Variants in SRCIN1 observed in about 807,000 individuals in gnomAD.
SRCIN1 encodes the protein SRC kinase signaling inhibitor 1.
A neutral mutation model predicts 116.2 loss-of-function variants in SRCIN1; 50 were observed. The ratio of observed to expected loss-of-function variants is 0.43; its 90% CI spans 0.34 to 0.54. The LOEUF is 0.54. Ranked by LOEUF, SRCIN1 falls within the 20% of genes least tolerant of loss-of-function variation. The probability of loss-of-function intolerance (pLI) is 0.02; values close to 1 mark genes in which losing one functional copy is unlikely to be tolerated. For synonymous variants in SRCIN1, 736 were observed against 750.0 expected (o/e 0.98, Z 0.30); for missense variants, 1,446 against 1,672.0 (o/e 0.86, Z 2.36).
chr17:38,581,506 TAG>T, intron 1 of SRCIN1, among the ~76,000 whole-genome samples: 1 of 150,708 alleles, frequency 6.6e-6, no homozygotes, highest in Non-Finnish European at 1.5e-5. Flanking sequence ...TCATAAGGAT[TAG>T]AAAAAGCCCC....
chr17:38,565,730 T>C (rs1353425618), intron 3 of SRCIN1, among the ~76,000 whole-genome samples: 1 of 152,228 alleles, frequency 6.6e-6, no homozygotes, highest in Non-Finnish European at 1.5e-5. Flanking sequence ...ATGGGCAGTA[T>C]GCCCAGCTGT....
In SRCIN1 at chr17:38,590,684, C is replaced by T. The variant is rs111786874; in HGVS notation, c.23-11893G>A. Among the ~76,000 whole-genome samples, 336 of 152,358 alleles carry T rather than the reference C, an allele frequency of 2.2e-3. 4 individuals carry two copies. The highest frequency in any genetic ancestry group is 7.9e-3 in the African/African-American group (327 of 41,574). ...GAAACTGAGGCTCAGGAAGGAGTGA[C>T]TTGTCCAAGGTCAGAGTTGATAAGT... On this transcript the variant is annotated intron_variant, in intron 1 of 18. Transcript: ENST00000617146.
At chr17:38,539,606 C>T (rs553632494) in intron 18 of SRCIN1, among the ~76,000 whole-genome samples, 3 of 152,182 alleles carry the variant, frequency 2.0e-5, no homozygotes, top group East Asian at 1.9e-4. Context: ...TCCCGCCCTC[C>T]GGGACTCGCT....
rs114288129 is a variant in SRCIN1 at position 38,559,159 on chromosome 17, T to C, written c.2025+426A>G. 1,536 of 199,628 alleles carry C rather than the reference T, an allele frequency of 7.7e-3. 28 individuals are homozygous for C. The highest frequency in any genetic ancestry group is 0.034 in the African/African-American group (1,449 of 42,666). The allele number at this position is 199,628 out of a possible 1,614,324, so 12.4% of individuals were successfully genotyped here. A position where few individuals can be genotyped will look rare whatever the true frequency, so the allele number is the denominator to read the frequency against. On this transcript the variant is annotated intron_variant, in intron 10 of 18. Coordinates refer to ENST00000617146, the MANE Select transcript of SRCIN1 (RefSeq NM_025248.3). ...CTGCCAAGCAGGGCCGGGGAGACTG[T>C]TGGGGCTCAGGAGGGAGGAGCTGAG...
chr17:38,532,226 A>AG lies in SRCIN1; in HGVS notation c.*1070_*1071insC, dbSNP rs2040932251. 6.6e-6 allele frequency: 1 copy of AG among 152,312 alleles called. No individual in the cohort carries two copies. The highest frequency in any genetic ancestry group is 2.4e-5 in the African/African-American group (1 of 41,370). The allele number at this position is 152,312 out of a possible 1,614,324, so 9.4% of individuals were successfully genotyped here. On this transcript the variant is annotated 3_prime_UTR_variant, in exon 19 of 19. Transcript: ENST00000617146. The surrounding 1 kb of genome is among the most constrained non-coding windows in gnomAD (Gnocchi z 4.3). ...AAACCCTCAAATTGCCAAGAGGATG[A>AG]CTGAAGTTCAAGTCACCCCACCTGC...
intron 17 of SRCIN1, among the ~76,000 whole-genome samples, chr17:38,547,514 C>G (rs1189761191): frequency 2.0e-5 from 3 of 152,166 alleles, no homozygotes; most frequent in Non-Finnish European, 4.4e-5. Flanking sequence ...AAGGGGCCAC[C>G]AGACACCCAG....
chr17:38,592,425 C>T (rs560893488), intron 1 of SRCIN1, among the ~76,000 whole-genome samples: 1 of 152,360 alleles, frequency 6.6e-6, no homozygotes, highest in South Asian at 2.1e-4. Context: ...CAAGTGCTCC[C>T]TGTTACCCGG....
At chr17:38,561,114 C>T (rs1240217252) in intron 7 of SRCIN1, among the ~76,000 whole-genome samples, 1 of 152,196 alleles carries the variant, frequency 6.6e-6, no homozygotes, top group East Asian at 1.9e-4. Flanking sequence ...CTGCTGCAAA[C>T]TCTTAAGCTG....
At chr17:38,590,898 C>T (rs1014091719) in intron 1 of SRCIN1, among the ~76,000 whole-genome samples, 16 of 152,324 alleles carry the variant, frequency 1.1e-4, no homozygotes, top group Admixed American at 7.8e-4. Context: ...AAGAAGAGAA[C>T]GCTGAAACAA....
intron 14 of SRCIN1, chr17:38,551,675 C>T (rs1231784964): frequency 4.0e-6 from 3 of 755,886 alleles, no homozygotes; most frequent in Non-Finnish European, 6.4e-6. Context: ...AAACATCATA[C>T]TGCTTTGATT....
intron 1 of SRCIN1, among the ~76,000 whole-genome samples, chr17:38,587,674 G>T (rs180843513): frequency 1.3e-5 from 2 of 152,212 alleles, no homozygotes; most frequent in East Asian, 3.9e-4. Flanking sequence ...GCCCCAGGAG[G>T]ACACAGACTA....
At position 38,563,790 on chromosome 17, in the gene SRCIN1, G is replaced by A. The variant is rs1167695180; in HGVS notation, c.542-269C>T. ...ATGGAAGTGGGGGCAGAGCAGGTGGGGCGGAAACTGAGGGGAAGTGAGCTG... is the reference window on the plus strand; with the variant it reads ...ATGGAAGTGGGGGCAGAGCAGGTGGAGCGGAAACTGAGGGGAAGTGAGCTG... On this transcript the variant is annotated intron_variant, in intron 4 of 18. Coordinates refer to ENST00000617146, the MANE Select transcript of SRCIN1 (RefSeq NM_025248.3). This position sits in a 1 kb window ranked among gnomAD's most constrained non-coding sequence, Gnocchi z 5.8. The A allele has an allele frequency of 9.1e-6, 6 of 658,538 alleles. No individual in the cohort carries two copies. In the African/African-American group the frequency reaches 9.1e-5, roughly 10 times the overall value. The allele number at this position is 658,538 out of a possible 1,614,324, so 40.8% of individuals were successfully genotyped here. A position where few individuals can be genotyped will look rare whatever the true frequency, so the allele number is the denominator to read the frequency against.
Position 38,548,562 on chromosome 17 carries a change from G to C in SRCIN1, c.3265C>G (p.Leu1089Val). 2 of 1,611,172 alleles carry C rather than the reference G, an allele frequency of 1.2e-6. No homozygotes were observed. Among genetic ancestry groups the C allele is most frequent in the Non-Finnish European group, 1.7e-6 (2 of 1,179,764 alleles). The part of the protein sequence containing the change: ...EDDEDRIIAE[L>V]ESGGGSVPPM... ...CCAGGTGTGCCCTGACCTACCTCTA[G>C]CTCTGCGATGATGCGATCCTCGTCA... Residue 1089 changes from leucine (L) to valine (V), a missense_variant, in exon 17 of 19, where the codon CTA (leucine) becomes GTA (valine). This residue lies in a region of SRCIN1 where 531 missense variants were observed against 633.9 expected (regional missense o/e 0.84). Transcript: ENST00000617146.
intron 1 of SRCIN1, among the ~76,000 whole-genome samples, chr17:38,587,696 A>G (rs1459469252): frequency 6.6e-6 from 1 of 152,094 alleles, no homozygotes. Context: ...CAACCTCCTT[A>G]GGAAGGATCA....
In SRCIN1 at chr17:38,544,707, C is replaced by T. The variant is rs1414812828; in HGVS notation, c.3271-738G>A. 6.6e-6 allele frequency: 1 copy of T among 152,206 alleles called. No homozygotes were observed. The highest frequency in any genetic ancestry group is 2.4e-5 in the African/African-American group (1 of 41,422). The allele number at this position is 152,206 out of a possible 1,614,324, so 9.4% of individuals were successfully genotyped here. ...CCGGCTTCCCAGCCTCCCCCGGACT[C>T]TGCCTGCAAACCCTGCTCTGGCACC... On this transcript the variant is annotated intron_variant, in intron 17 of 18. Coordinates refer to ENST00000617146, the MANE Select transcript of SRCIN1 (RefSeq NM_025248.3). The surrounding 1 kb of genome is among the most constrained non-coding windows in gnomAD (Gnocchi z 4.5).
intron 1 of SRCIN1, among the ~76,000 whole-genome samples, chr17:38,599,343 TTC>T (rs1340122493): frequency 6.6e-6 from 1 of 152,182 alleles, no homozygotes; most frequent in Non-Finnish European, 1.5e-5. Flanking sequence ...GAGGAGCAGC[TTC>T]TCTCTTTCTC....
intron 18 of SRCIN1, among the ~76,000 whole-genome samples, 187 bp downstream of exon 18, chr17:38,543,636 C>CCGGGAT (rs977498285): frequency 3.3e-5 from 5 of 152,122 alleles, no homozygotes; most frequent in African/African-American, 9.7e-5. Context: ...ATCCAAAGCT[C>CCGGGAT]CGGGATCGGG....
At position 38,558,093 on chromosome 17, in the gene SRCIN1, T is replaced by G; in HGVS notation, c.2201+134A>C. 1.0e-6 allele frequency: 1 copy of G among 980,000 alleles called. No homozygotes were observed. The highest frequency in any genetic ancestry group is 1.5e-6 in the Non-Finnish European group (1 of 671,954). 60.7% of individuals were successfully genotyped at this position (980,000 alleles called of 1,614,324 possible). On this transcript the variant is annotated intron_variant, in intron 11 of 18. Transcript: ENST00000617146. This position sits in a 1 kb window ranked among gnomAD's most constrained non-coding sequence, Gnocchi z 4.6. ...ACAGTGAAATCAGGCCAGAGGAGAA[T>G]GAAATCAGGCTTCAGAACAGACCAA... is the stretch of plus-strand genomic sequence containing the variant.
rs371775069 is a variant in SRCIN1, at chr17:38,534,143, C to T, written c.3418-712G>A. ...GCCCTCACTGGTCAGTTCTAGTGGT[C>T]AGAACTGACCCCTCATCCTCCTCCC... is the stretch of plus-strand genomic sequence containing the variant. On this transcript the variant is annotated intron_variant, in intron 18 of 18. Coordinates refer to ENST00000617146, the MANE Select transcript of SRCIN1 (RefSeq NM_025248.3). Among the ~76,000 whole-genome samples, 36 of 152,322 alleles carry T rather than the reference C, an allele frequency of 2.4e-4. No homozygotes were observed. In the South Asian group the frequency reaches 7.0e-3, roughly 30 times the overall value.
Sources: gnomAD v4.1 joint callset for allele counts (sites outside exome capture counted in the v4.1 genomes callset) on GRCh38, gnomAD v4.1.1 for gene constraint, gnomAD v4.1.1 regional missense constraint, Gnocchi (gnomAD v3.1) non-coding constraint, MANE v1.5 for transcripts, NCBI Gene and HGNC (gene_info 2026-07-23, HGNC 2026-07-21) for gene names.